The following KSR2 variants were observed in gnomAD, a reference collection of about 807,000 sequenced individuals.
The protein encoded by KSR2 is kinase suppressor of ras 2.
Under a neutral mutation model 107.8 loss-of-function variants are expected in KSR2, and 25 were observed. That is an observed-to-expected ratio of 0.23 (90% confidence interval 0.17 to 0.32). KSR2 has a LOEUF of 0.32. KSR2 is among the 10% of genes least tolerant of loss of function. The probability of loss-of-function intolerance (pLI) is 1.00; values close to 1 mark genes in which losing one functional copy is unlikely to be tolerated. For missense variants in KSR2, 887 were observed against 1,268.9 expected (o/e 0.70, Z 4.57); for synonymous variants, 480 against 507.0 (o/e 0.95, Z 0.71).
At chr12:117,675,811 T>C (rs1593119007) in intron 4 of KSR2, among the ~76,000 whole-genome samples, 1 of 152,264 alleles carries the variant, frequency 6.6e-6, no homozygotes, top group Non-Finnish European at 1.5e-5. Context: ...TGGGAGGAAA[T>C]GGCAGGGCTG....
At chr12:117,730,330 T>A (rs1041228545) in intron 4 of KSR2, among the ~76,000 whole-genome samples, 3 of 152,164 alleles carry the variant, frequency 2.0e-5, no homozygotes, top group African/African-American at 7.2e-5. Context: ...TATAAACTGA[T>A]ACTATATATA....
chr12:117,518,085 G>A (rs1874497856), intron 14 of KSR2, among the ~76,000 whole-genome samples: 1 of 152,176 alleles, frequency 6.6e-6, no homozygotes, highest in Non-Finnish European at 1.5e-5. Context: ...GTGCAAATGA[G>A]GCCCCATGGG....
At chr12:117,613,589 C>T (rs138173460) in intron 5 of KSR2, among the ~76,000 whole-genome samples, 125 of 152,330 alleles carry the variant, frequency 8.2e-4, no homozygotes, top group African/African-American at 2.8e-3. Context: ...CTGACACAAC[C>T]TGTAAGTGAG....
intron 5 of KSR2, among the ~76,000 whole-genome samples, chr12:117,591,409 C>T (rs1000549480): frequency 3.3e-5 from 5 of 152,166 alleles, no homozygotes; most frequent in South Asian, 4.2e-4. Context: ...TCTGATAAAG[C>T]GGCACGACAT....
intron 1 of KSR2, among the ~76,000 whole-genome samples, chr12:117,876,692 A>T (rs563948533): frequency 6.0e-5 from 9 of 150,872 alleles, no homozygotes; most frequent in East Asian, 1.9e-4. Flanking sequence ...GTATAATGTC[A>T]TCATAGCAGT....
chr12:117,848,048 G>A (rs920096585), intron 3 of KSR2, among the ~76,000 whole-genome samples: 32 of 152,250 alleles, frequency 2.1e-4, no homozygotes, highest in African/African-American at 6.5e-4. Context: ...AAGCATATTC[G>A]TTTTAAAAAA....
intron 7 of KSR2, among the ~76,000 whole-genome samples, chr12:117,566,862 C>T (rs1878525575): frequency 1.3e-5 from 2 of 152,222 alleles, no homozygotes; most frequent in Admixed American, 1.3e-4. Context: ...GCATGAACAT[C>T]TCTCTACTCA....
intron 1 of KSR2, among the ~76,000 whole-genome samples, chr12:117,861,874 GA>G (rs1421662623): frequency 6.6e-6 from 1 of 152,132 alleles, no homozygotes; most frequent in African/African-American, 2.4e-5. Context: ...CATGAGAAAA[GA>G]AAGTTTTTTA....
At chr12:117,566,882 G>A (rs139205762) in intron 7 of KSR2, among the ~76,000 whole-genome samples, 56 of 152,202 alleles carry the variant, frequency 3.7e-4, no homozygotes, top group Middle Eastern at 3.4e-3. Flanking sequence ...ATCCTACTGC[G>A]CCCAAATTGC....
intron 1 of KSR2, among the ~76,000 whole-genome samples, chr12:117,909,076 T>C (rs2137421533): frequency 6.6e-6 from 1 of 152,244 alleles, no homozygotes; most frequent in South Asian, 2.1e-4. Flanking sequence ...AAGACCAATA[T>C]GCGTGTCCTT....
rs1236549484 is a variant in KSR2 at position 117,465,063 on chromosome 12, A to G, written c.*2136T>C. On this transcript the variant is annotated 3_prime_UTR_variant, in exon 20 of 20. Transcript: ENST00000339824. ...CATATCCTGTCTCTTGGCACAAGGG[A>G]ACATGACAAGGACTGGAGCCTGTGG... is the stretch of plus-strand genomic sequence containing the variant. 3 of 152,200 alleles carry G rather than the reference A, an allele frequency of 2.0e-5. No individual in the cohort carries two copies. The highest frequency in any genetic ancestry group is 2.9e-5 in the Non-Finnish European group (2 of 68,052). The allele number at this position is 152,200 out of a possible 1,614,324, so 9.4% of individuals were successfully genotyped here.
rs150557888 is a variant in KSR2 at position 117,732,124 on chromosome 12, C to T, written c.986+28887G>A. 3.7e-4 allele frequency among the ~76,000 whole-genome samples: 57 copies of T among 152,104 alleles called. 1 individual carries two copies. In the East Asian group the frequency reaches 9.9e-3, roughly 26 times the overall value. On this transcript the variant is annotated intron_variant, in intron 4 of 19. Transcript: ENST00000339824. The stretch of plus-strand genomic sequence containing the variant: ...GTTCTCTCTCTACCCCCAGGTGCAT[C>T]CCACCCTGAGTTAATAGGTAAAACC...
chr12:117,597,232 C>T (rs1371426606), intron 5 of KSR2, among the ~76,000 whole-genome samples: 1 of 152,162 alleles, frequency 6.6e-6, no homozygotes, highest in East Asian at 1.9e-4. Context: ...CTGAATAATG[C>T]CCCAGCCCCG....
chr12:117,568,450 G>C (rs1489430637), intron 7 of KSR2, among the ~76,000 whole-genome samples: 1 of 152,180 alleles, frequency 6.6e-6, no homozygotes, highest in Non-Finnish European at 1.5e-5. Context: ...TTGCCGGCCT[G>C]CTGTGTAGCC....
chr12:117,513,316 A>G (rs1874150951), intron 14 of KSR2, among the ~76,000 whole-genome samples: 1 of 152,152 alleles, frequency 6.6e-6, no homozygotes, highest in Non-Finnish European at 1.5e-5. Flanking sequence ...ATATCTATTT[A>G]TTATTTGATT....
At chr12:117,815,384 G>A (rs544816997) in intron 3 of KSR2, among the ~76,000 whole-genome samples, 18 of 152,044 alleles carry the variant, frequency 1.2e-4, no homozygotes, top group South Asian at 2.1e-4. Flanking sequence ...AACAGTCTCC[G>A]TGATACATGT....
chr12:117,945,567 G>A (rs542001751), intron 1 of KSR2, among the ~76,000 whole-genome samples: 2 of 152,092 alleles, frequency 1.3e-5, no homozygotes, highest in Non-Finnish European at 2.9e-5. Flanking sequence ...CCAGCTACTC[G>A]GGAGGCTGAG....
intron 4 of KSR2, among the ~76,000 whole-genome samples, chr12:117,686,598 C>T (rs2136555588): frequency 6.6e-6 from 1 of 152,232 alleles, no homozygotes; most frequent in Admixed American, 6.5e-5. Flanking sequence ...GGATTCTCAA[C>T]ACTCCAGCAT....
chr12:117,763,123 G>A lies in KSR2; in HGVS notation c.473-1599C>T, dbSNP rs191039277. On this transcript the variant is annotated intron_variant, in intron 3 of 19. Transcript: ENST00000339824. The stretch of plus-strand genomic sequence containing the variant: ...TTCTCATTGTTCAATTCCCACCTAT[G>A]AGTGAGAACATGCGGTGTTTGGTTT... 1.9e-3 allele frequency among the ~76,000 whole-genome samples: 283 copies of A among 151,546 alleles called. 6 individuals carry two copies. Among genetic ancestry groups the A allele is most frequent in the African/African-American group, 6.6e-3 (272 of 41,262 alleles).
Sources: allele counts gnomAD v4.1 joint callset (sites outside exome capture counted in the v4.1 genomes callset), GRCh38; gene constraint gnomAD v4.1.1; transcripts MANE v1.5; gene names NCBI Gene and HGNC (gene_info 2026-07-23, HGNC 2026-07-21).